Variants in ASTN1 observed in about 807,000 individuals in gnomAD.
ASTN1 encodes astrotactin 1.
A neutral mutation model predicts 140.7 loss-of-function variants in ASTN1; 41 were observed. The observed-to-expected ratio is 0.29, with a 90% confidence interval of 0.23 to 0.38. ASTN1 has a LOEUF of 0.38. Among genes scored for constraint, ASTN1 ranks in the 10% least tolerant of loss-of-function variants. ASTN1 has a pLI of 1.00. For synonymous variants in ASTN1, 640 were observed against 652.2 expected, an observed-to-expected ratio of 0.98 and a Z score of 0.29; for missense variants, 1,479 against 1,678.8, an observed-to-expected ratio of 0.88 and a Z score of 2.08.
At chr1:177,005,644 T>A (rs1674957418) in intron 8 of ASTN1, among the ~76,000 whole-genome samples, 1 of 152,184 alleles carries the variant, frequency 6.6e-6, no homozygotes, top group African/African-American at 2.4e-5. Context: ...TTCATATATA[T>A]AATGTGTGTA....
intron 1 of ASTN1, among the ~76,000 whole-genome samples, chr1:177,101,630 C>T (rs1047751427): frequency 1.3e-5 from 2 of 152,262 alleles, no homozygotes; most frequent in African/African-American, 4.8e-5. Flanking sequence ...GGTACATAGG[C>T]TTGCTATCTT....
At chr1:177,128,013 A>C (rs890054464) in intron 1 of ASTN1, among the ~76,000 whole-genome samples, 3 of 152,148 alleles carry the variant, frequency 2.0e-5, no homozygotes, top group African/African-American at 4.8e-5. Flanking sequence ...AAACAGTAAT[A>C]ATAATAATAT....
At chr1:176,884,244 G>C (rs1668930814) in intron 19 of ASTN1, 95 bp downstream of exon 19, 1 of 1,427,276 alleles carries the variant, frequency 7.0e-7, no homozygotes, top group Non-Finnish European at 9.6e-7. Flanking sequence ...TGGGATACTG[G>C]GGACCTGGAG....
intron 16 of ASTN1, among the ~76,000 whole-genome samples, chr1:176,902,441 T>C (rs1202152289): frequency 1.5e-5 from 1 of 66,072 alleles, no homozygotes; most frequent in East Asian, 4.0e-4. Context: ...TACGGTGGTA[T>C]TTTCTGAAGA....
chr1:177,090,290 A>G (rs968915268), intron 1 of ASTN1, among the ~76,000 whole-genome samples: 8 of 151,786 alleles, frequency 5.3e-5, no homozygotes, highest in Non-Finnish European at 1.2e-4. Flanking sequence ...GTCTTCCCTA[A>G]TTTGAAAGAT....
intron 16 of ASTN1, among the ~76,000 whole-genome samples, chr1:176,905,318 G>A (rs1361477204): frequency 1.3e-5 from 2 of 152,162 alleles, no homozygotes; most frequent in African/African-American, 4.8e-5. Flanking sequence ...GCACCATAGC[G>A]GAAAATTCAA....
chr1:177,047,521 A>G (rs1677300080), intron 2 of ASTN1, among the ~76,000 whole-genome samples: 1 of 152,210 alleles, frequency 6.6e-6, no homozygotes, highest in Admixed American at 6.5e-5. Flanking sequence ...GGGAGAGGAC[A>G]TAGTTCAAGC....
intron 16 of ASTN1, among the ~76,000 whole-genome samples, chr1:176,896,436 G>A (rs968241372): frequency 2.6e-5 from 4 of 152,208 alleles, no homozygotes; most frequent in Middle Eastern, 3.4e-3. Context: ...GGAGGCTTAC[G>A]CAACCCAGTC....
chr1:177,016,777 T>C (rs1382116445), intron 7 of ASTN1, among the ~76,000 whole-genome samples: 1 of 152,214 alleles, frequency 6.6e-6, no homozygotes, highest in African/African-American at 2.4e-5. Flanking sequence ...ATTTGCCCTA[T>C]ATTTACAGAT....
chr1:177,012,355 T>A (rs228018), intron 8 of ASTN1, among the ~76,000 whole-genome samples: 22 of 152,216 alleles, frequency 1.4e-4, no homozygotes, highest in Non-Finnish European at 2.4e-4. Context: ...GGCGCTTTTT[T>A]AATACTGAGT....
intron 8 of ASTN1, among the ~76,000 whole-genome samples, chr1:177,002,820 T>C (rs931977281): frequency 5.9e-5 from 9 of 152,086 alleles, no homozygotes; most frequent in African/African-American, 1.9e-4. Context: ...ATTACTCACC[T>C]TTTTTTAAAA....
intron 8 of ASTN1, among the ~76,000 whole-genome samples, chr1:176,978,678 A>C (rs1318619030): frequency 6.6e-6 from 1 of 152,120 alleles, no homozygotes; most frequent in African/African-American, 2.4e-5. Context: ...TTGAACTGAA[A>C]AGGCTGAGTG....
chr1:176,922,743 A>G (rs1379177570), intron 16 of ASTN1, among the ~76,000 whole-genome samples: 1 of 152,078 alleles, frequency 6.6e-6, no homozygotes, highest in African/African-American at 2.4e-5. Context: ...TTAGTAGACG[A>G]TTTGTGACTT....
intron 9 of ASTN1, among the ~76,000 whole-genome samples, chr1:176,961,049 G>A (rs1195394358): frequency 6.6e-6 from 1 of 152,144 alleles, no homozygotes; most frequent in Non-Finnish European, 1.5e-5. Flanking sequence ...GACAGTTCTT[G>A]TCATTTTTGT....
rs890670111 is a variant in ASTN1 at position 176,958,624 on chromosome 1, A to T, written c.1599-142T>A. 20 of 1,214,808 alleles carry T rather than the reference A, an allele frequency of 1.6e-5. No homozygotes were observed. In the African/African-American group the frequency reaches 2.8e-4, roughly 17 times the overall value. 75.3% of individuals were successfully genotyped at this position (1,214,808 alleles called of 1,614,324 possible). On this transcript the variant is annotated intron_variant, in intron 9 of 22. Coordinates refer to ENST00000361833, the MANE Select transcript of ASTN1 (RefSeq NM_004319.3). Reference sequence around the variant, plus strand: ...AGACTGCCTTTTTATGGGTGCAATGACTAAGTTCTAAGGAGGCAGAGAGGC... The same window carrying T: ...AGACTGCCTTTTTATGGGTGCAATGTCTAAGTTCTAAGGAGGCAGAGAGGC...
intron 2 of ASTN1, among the ~76,000 whole-genome samples, chr1:177,051,397 C>T (rs549585942): frequency 2.0e-5 from 3 of 152,284 alleles, no homozygotes; most frequent in East Asian, 1.9e-4. Flanking sequence ...AACACAGCCA[C>T]GTGCATTCAG....
Position 176,909,195 on chromosome 1 carries a change from G to A in ASTN1, c.2672-14365C>T, listed in dbSNP as rs114791772. ...CCCACATGAACTCTGCTTCAGGCCTGGAGCCACACAGTCCCCGACAGCCTC... is the reference window on the plus strand; with the variant it reads ...CCCACATGAACTCTGCTTCAGGCCTAGAGCCACACAGTCCCCGACAGCCTC... On this transcript the variant is annotated intron_variant, in intron 16 of 22. Coordinates refer to ENST00000361833, the MANE Select transcript of ASTN1 (RefSeq NM_004319.3). 1.4e-3 allele frequency among the ~76,000 whole-genome samples: 218 copies of A among 152,326 alleles called. 1 individual carries two copies. Among genetic ancestry groups the A allele is most frequent in the African/African-American group, 5.1e-3 (213 of 41,578 alleles).
At chr1:177,016,258 C>T (rs78323492) in intron 7 of ASTN1, among the ~76,000 whole-genome samples, 7,337 of 151,374 alleles carry the variant, frequency 0.048, 259 homozygotes, top group Middle Eastern at 0.093. Context: ...ATTTTTGTCC[C>T]CCACAGCAGT....
chr1:176,894,659 A>C lies in ASTN1; in HGVS notation c.2843T>G (p.Val948Gly). 1 of 1,614,092 alleles carries C rather than the reference A, an allele frequency of 6.2e-7. No homozygotes were observed. The highest frequency in any genetic ancestry group is 1.1e-5 in the South Asian group (1 of 91,074). The change falls in exon 17 of 23, where the codon GTG becomes GGG. Residue 948 changes from valine (V) to glycine (G), a missense_variant. Coordinates refer to ENST00000361833, the MANE Select transcript of ASTN1 (RefSeq NM_004319.3). ...AGCAGGGGTGTCAGGGCTGGATGTC[A>C]CATGACACAGGGGGCAGGACGAGGG... ...RCPSSCPLCHVTSSPDTPAEP... is the reference protein window; with the variant it reads ...RCPSSCPLCHGTSSPDTPAEP...
Sources: gnomAD v4.1 joint callset for allele counts (sites outside exome capture counted in the v4.1 genomes callset) on GRCh38, gnomAD v4.1.1 for gene constraint, MANE v1.5 for transcripts, NCBI Gene and HGNC (gene_info 2026-07-23, HGNC 2026-07-21) for gene names.